SMYD3: variants seen among roughly 807,000 people sequenced by gnomAD.
SMYD3 encodes histone-lysine N-methyltransferase SMYD3.
In SMYD3, 36 loss-of-function variants were observed where a neutral mutation model predicts 57.7. That is an observed-to-expected ratio of 0.62 (90% CI 0.48 to 0.82). The LOEUF is 0.82. SMYD3 is among the 40% of genes least tolerant of loss of function. SMYD3 has a pLI of 0.00. For missense variants in SMYD3, 515 were observed against 538.8 expected, an observed-to-expected ratio of 0.96 and a Z score of 0.44; for synonymous variants, 211 against 195.0, an observed-to-expected ratio of 1.08 and a Z score of -0.68.
intron 1 of SMYD3, among the ~76,000 whole-genome samples, chr1:246,503,742 C>T (rs944039256): frequency 2.0e-5 from 3 of 152,138 alleles, no homozygotes; most frequent in African/African-American, 7.2e-5. Context: ...GCGGGTAGAT[C>T]ACCTGAGGTC....
intron 8 of SMYD3, among the ~76,000 whole-genome samples, chr1:245,899,758 A>T (rs941000364): frequency 2.0e-5 from 3 of 152,210 alleles, no homozygotes; most frequent in African/African-American, 7.2e-5. Context: ...TCAGTAAAGG[A>T]GTCTGCTCTC....
intron 5 of SMYD3, among the ~76,000 whole-genome samples, chr1:246,315,938 A>G (rs1365541597): frequency 6.6e-6 from 1 of 152,218 alleles, no homozygotes; most frequent in East Asian, 1.9e-4. Flanking sequence ...GCCCCTAAAA[A>G]AAACACTCTG....
chr1:246,502,939 G>C (rs1015415517), intron 1 of SMYD3, among the ~76,000 whole-genome samples: 2 of 152,040 alleles, frequency 1.3e-5, no homozygotes, highest in South Asian at 2.1e-4. Flanking sequence ...GAATCCCCTG[G>C]TACCACAAAC....
intron 8 of SMYD3, among the ~76,000 whole-genome samples, chr1:245,879,899 A>C (rs2052683328): frequency 6.6e-6 from 1 of 152,194 alleles, no homozygotes; most frequent in Non-Finnish European, 1.5e-5. Context: ...TGTACCCTAG[A>C]GACAGCACAG....
chr1:245,765,315 T>C (rs2046038775), intron 10 of SMYD3, among the ~76,000 whole-genome samples: 1 of 151,470 alleles, frequency 6.6e-6, no homozygotes, highest in South Asian at 2.1e-4. Context: ...GAGGATCACT[T>C]GAGCCCTGGA....
chr1:246,506,972 G>A lies in SMYD3; in HGVS notation c.164+82C>T, dbSNP rs766227325. 2.0e-4 allele frequency: 257 copies of A among 1,261,088 alleles called. 2 individuals are homozygous for A. The highest frequency in any genetic ancestry group is 2.4e-4 in the Non-Finnish European group (228 of 950,604). The allele number at this position is 1,261,088 out of a possible 1,614,324, so 78.1% of individuals were successfully genotyped here. A position where few individuals can be genotyped will look rare whatever the true frequency, so the allele number is the denominator to read the frequency against. The stretch of plus-strand genomic sequence containing the variant: ...AGCCCCATCCAGCAGGAGTCCCGCG[G>A]CTGCCGGCCGCCCGACGCCCCCCCC... On this transcript the variant is annotated intron_variant, in intron 1 of 11. Transcript: ENST00000490107.
chr1:246,094,302 C>T (rs992720475), intron 5 of SMYD3, among the ~76,000 whole-genome samples: 1 of 152,150 alleles, frequency 6.6e-6, no homozygotes, highest in Non-Finnish European at 1.5e-5. Context: ...CCATACACTG[C>T]GTCCTTTAAT....
rs969242398 is a variant in SMYD3 at position 246,202,798 on chromosome 1, C to A, written c.531+124403G>T. Among the ~76,000 whole-genome samples, 8 of 152,274 alleles carry A rather than the reference C, an allele frequency of 5.3e-5. No individual in the cohort carries two copies. The highest frequency in any genetic ancestry group is 3.4e-3 in the Middle Eastern group (1 of 294). On this transcript the variant is annotated intron_variant, in intron 5 of 11. Transcript: ENST00000490107. The surrounding 1 kb of genome is among the most constrained non-coding windows in gnomAD (Gnocchi z 4.1). ...ATATGGTGATACCACAGTAACAAAT[C>A]CAACCCAATCACTCCTCCACCTCTT...
intron 5 of SMYD3, among the ~76,000 whole-genome samples, chr1:246,118,726 C>A (rs1256956364): frequency 1.4e-5 from 2 of 147,282 alleles, no homozygotes; most frequent in African/African-American, 5.3e-5. Flanking sequence ...CCTTGAGACT[C>A]CCAATTTTTT....
chr1:245,962,938 T>C (rs1381737745), intron 5 of SMYD3, among the ~76,000 whole-genome samples: 1 of 152,206 alleles, frequency 6.6e-6, no homozygotes, highest in Non-Finnish European at 1.5e-5. Context: ...CCTTTCTTTA[T>C]AAGCTCTTAT....
At chr1:246,253,348 C>T (rs546252649) in intron 5 of SMYD3, among the ~76,000 whole-genome samples, 2 of 152,324 alleles carry the variant, frequency 1.3e-5, no homozygotes, top group Non-Finnish European at 1.5e-5. Context: ...TTAGCTCCCA[C>T]TTCTAAGTGA....
At chr1:246,013,583 G>A (rs1012976671) in intron 5 of SMYD3, among the ~76,000 whole-genome samples, 1 of 152,090 alleles carries the variant, frequency 6.6e-6, no homozygotes, top group Non-Finnish European at 1.5e-5. Flanking sequence ...AATCTGTGGT[G>A]TTTTTTTAAA....
intron 10 of SMYD3, among the ~76,000 whole-genome samples, chr1:245,823,802 T>G (rs1238980983): frequency 6.6e-6 from 1 of 152,150 alleles, no homozygotes; most frequent in African/African-American, 2.4e-5. Flanking sequence ...CTTCTCTGAT[T>G]TAGTACCAAA....
At chr1:245,834,264 C>T (rs2049993685) in intron 10 of SMYD3, among the ~76,000 whole-genome samples, 1 of 152,210 alleles carries the variant, frequency 6.6e-6, no homozygotes, top group Non-Finnish European at 1.5e-5. Context: ...ACCTCTCATA[C>T]ACCCCTGGGA....
chr1:246,094,542 G>A (rs2060879659), intron 5 of SMYD3, among the ~76,000 whole-genome samples: 3 of 152,142 alleles, frequency 2.0e-5, no homozygotes, highest in Admixed American at 2.0e-4. Flanking sequence ...CTTCCAGAGA[G>A]CATGTCCCCC....
rs34926742 is a variant in SMYD3 at position 246,074,366 on chromosome 1, A to T, written c.532-144429T>A. On this transcript the variant is annotated intron_variant, in intron 5 of 11. Transcript: ENST00000490107. ...TTTTATTGGTTTGCCAAAAAAAATT[A>T]AAAAAAAAAAACAAACTGTGAACAT... Among the ~76,000 whole-genome samples, 775 of 120,634 alleles carry T rather than the reference A, an allele frequency of 6.4e-3. 7 individuals are homozygous for T. The highest frequency in any genetic ancestry group is 4.7e-3 in the Non-Finnish European group (301 of 64,626). 79.1% of individuals were successfully genotyped at this position (120,634 alleles called of 152,430 possible).
In SMYD3 at chr1:246,415,976, G is replaced by A. The variant is rs973285880; in HGVS notation, c.165-60882C>T. On this transcript the variant is annotated intron_variant, in intron 1 of 11. Coordinates refer to ENST00000490107, the MANE Select transcript of SMYD3 (RefSeq NM_001167740.2). ...TCCCACACGTAAGTACACTAGACTG[G>A]AAGTTCTTAGAGAACTTATATTCTT... Among the ~76,000 whole-genome samples the A allele has an allele frequency of 3.9e-5, 6 of 152,160 alleles. No individual in the cohort carries two copies. In the East Asian group the frequency reaches 1.2e-3, roughly 29 times the overall value.
chr1:245,967,193 G>T (rs1352683536), intron 5 of SMYD3, among the ~76,000 whole-genome samples: 1 of 152,038 alleles, frequency 6.6e-6, no homozygotes, highest in Non-Finnish European at 1.5e-5. Flanking sequence ...ATTCTTACAT[G>T]GTATTGTAAT....
intron 1 of SMYD3, among the ~76,000 whole-genome samples, chr1:246,369,087 AAATAAT>A (rs894108398): frequency 6.6e-6 from 1 of 152,220 alleles, no homozygotes; most frequent in Non-Finnish European, 1.5e-5. Flanking sequence ...AAATGAGCAT[AAATAAT>A]AATAATAACA....
Sources: gnomAD v4.1 joint callset for allele counts (sites outside exome capture counted in the v4.1 genomes callset) on GRCh38, gnomAD v4.1.1 for gene constraint, Gnocchi (gnomAD v3.1) non-coding constraint, MANE v1.5 for transcripts, NCBI Gene and HGNC (gene_info 2026-07-23, HGNC 2026-07-21) for gene names.